RHOBTB1: variants seen among roughly 807,000 people sequenced by gnomAD.
RHOBTB1 encodes Rho related BTB domain containing 1.
RHOBTB1 carries 40 observed loss-of-function variants against 71.6 expected under a neutral mutation model. That is an observed-to-expected ratio of 0.56 (90% confidence interval 0.43 to 0.73). The LOEUF is 0.73. RHOBTB1 is among the 30% of genes least tolerant of loss of function. The pLI is 0.00. For missense variants in RHOBTB1, 797 were observed against 894.0 expected (o/e 0.89, Z 1.38); for synonymous variants, 319 against 334.9 (o/e 0.95, Z 0.52).
chr10:60,974,357 T>C (rs1196157082), intron 2 of RHOBTB1, among the ~76,000 whole-genome samples: 1 of 152,060 alleles, frequency 6.6e-6, no homozygotes, highest in Non-Finnish European at 1.5e-5. Context: ...AAGACAACTA[T>C]CAAACTGCTT....
At chr10:60,901,018 G>T (rs910741911) in intron 4 of RHOBTB1, among the ~76,000 whole-genome samples, 4 of 152,164 alleles carry the variant, frequency 2.6e-5, no homozygotes, top group African/African-American at 9.7e-5. Context: ...AAATGGACAG[G>T]TTACTTTCAG....
chr10:60,988,305 A>C (rs1280554436), intron 1 of RHOBTB1, among the ~76,000 whole-genome samples: 1 of 152,194 alleles, frequency 6.6e-6, no homozygotes. Context: ...TTTTTAAAAA[A>C]TATAATTTCT....
intron 7 of RHOBTB1, among the ~76,000 whole-genome samples, chr10:60,884,946 TCTCA>T (rs1313545679): frequency 6.6e-6 from 1 of 151,984 alleles, no homozygotes; most frequent in Non-Finnish European, 1.5e-5. Context: ...AGAGACAGGT[TCTCA>T]CTCTGTCTCC....
rs115019961 is a variant in RHOBTB1, at chr10:60,901,102, A to G, written c.297-8107T>C. Among the ~76,000 whole-genome samples, 640 of 152,336 alleles carry G rather than the reference A, an allele frequency of 4.2e-3. 4 individuals are homozygous for G. Among genetic ancestry groups the G allele is most frequent in the African/African-American group, 0.015 (624 of 41,570 alleles). On this transcript the variant is annotated intron_variant, in intron 4 of 10. Coordinates refer to ENST00000337910, the MANE Select transcript of RHOBTB1 (RefSeq NM_014836.5). The stretch of plus-strand genomic sequence containing the variant: ...CTATTGCACAGACCATCTTGCTTTT[A>G]AAAAACACACAAAACAAACAAGCAA...
chr10:60,997,214 A>T (rs926280476), intron 1 of RHOBTB1, among the ~76,000 whole-genome samples: 1 of 152,120 alleles, frequency 6.6e-6, no homozygotes, highest in Non-Finnish European at 1.5e-5. Flanking sequence ...TATCTTTTTT[A>T]AAAATATCCT....
At chr10:60,915,527 G>A (rs1471817053) in intron 2 of RHOBTB1, among the ~76,000 whole-genome samples, 1 of 152,084 alleles carries the variant, frequency 6.6e-6, no homozygotes, top group Non-Finnish European at 1.5e-5. Context: ...AAACTGACTT[G>A]AACGTTATTT....
chr10:60,946,633 C>T (rs575314984), upstream of RHOBTB1, among the ~76,000 whole-genome samples: 2 of 152,312 alleles, frequency 1.3e-5, no homozygotes, highest in East Asian at 1.9e-4. Context: ...TGCTTTTTAA[C>T]AGCCTGCTTT....
intron 10 of RHOBTB1, 133 bp downstream of exon 10, chr10:60,872,052 T>G (rs2080815387): frequency 2.7e-6 from 2 of 735,974 alleles, no homozygotes; most frequent in Admixed American, 4.2e-5. Context: ...CATTAATATG[T>G]GACCACCAGC....
intron 1 of RHOBTB1, among the ~76,000 whole-genome samples, chr10:60,991,371 C>T (rs561873792): frequency 1.3e-4 from 19 of 151,948 alleles, no homozygotes; most frequent in Admixed American, 3.3e-4. Context: ...TGATGACATC[C>T]CCAGACTTAA....
At chr10:60,975,539 C>T (rs189926307) in intron 2 of RHOBTB1, among the ~76,000 whole-genome samples, 24 of 152,176 alleles carry the variant, frequency 1.6e-4, no homozygotes, top group Non-Finnish European at 3.1e-4. Flanking sequence ...TATTCGCTTG[C>T]ATGGAAATAC....
At chr10:60,874,505 T>G (rs2080949009) in intron 9 of RHOBTB1, among the ~76,000 whole-genome samples, 1 of 152,210 alleles carries the variant, frequency 6.6e-6, no homozygotes, top group African/African-American at 2.4e-5. Flanking sequence ...TGTATTGGGA[T>G]TATGTTATTA....
At chr10:60,976,471 CTG>C (rs2086319455) in intron 2 of RHOBTB1, among the ~76,000 whole-genome samples, 1 of 152,084 alleles carries the variant, frequency 6.6e-6, no homozygotes, top group South Asian at 2.1e-4. Flanking sequence ...AGTTAAGAAA[CTG>C]TATACTGAAG....
At chr10:60,910,733 C>G in intron 4 of RHOBTB1, 154 bp downstream of exon 4, 1 of 566,784 alleles carries the variant, frequency 1.8e-6, no homozygotes, top group Non-Finnish European at 3.1e-6. Context: ...GAAACAATAC[C>G]ATTTTTTTTT....
chr10:60,887,798 T>G (rs535699404), intron 6 of RHOBTB1, among the ~76,000 whole-genome samples: 1 of 152,172 alleles, frequency 6.6e-6, no homozygotes, highest in Non-Finnish European at 1.5e-5. Context: ...GGTCAGAGAA[T>G]AGATTCTGAA....
intron 2 of RHOBTB1, among the ~76,000 whole-genome samples, chr10:60,974,906 CTG>C (rs757057732): frequency 4.6e-5 from 7 of 151,970 alleles, no homozygotes; most frequent in Non-Finnish European, 7.4e-5. Context: ...ATGGGGATGA[CTG>C]TATTTTTTAT....
At chr10:60,979,410 GC>G (rs2086421873) in intron 2 of RHOBTB1, among the ~76,000 whole-genome samples, 2 of 152,224 alleles carry the variant, frequency 1.3e-5, no homozygotes, top group African/African-American at 4.8e-5. Context: ...TGAAACCATG[GC>G]CTCCATCTCG....
chr10:60,899,974 A>G (rs2082335939), intron 4 of RHOBTB1, among the ~76,000 whole-genome samples: 1 of 152,122 alleles, frequency 6.6e-6, no homozygotes, highest in Non-Finnish European at 1.5e-5. Context: ...GGGAATCAGT[A>G]TGCCAGTATC....
At chr10:60,924,651 A>T (rs1018473041) in intron 2 of RHOBTB1, among the ~76,000 whole-genome samples, 4 of 152,224 alleles carry the variant, frequency 2.6e-5, no homozygotes, top group African/African-American at 9.6e-5. Flanking sequence ...AATGGACCTA[A>T]CAGACATTTA....
chr10:60,916,399 T>C (rs867532965), intron 2 of RHOBTB1, among the ~76,000 whole-genome samples: 1 of 152,208 alleles, frequency 6.6e-6, no homozygotes, highest in African/African-American at 2.4e-5. Context: ...AGTTTATGAA[T>C]GAGCCCAGGT....
Sources: gnomAD v4.1 joint callset for allele counts (sites outside exome capture counted in the v4.1 genomes callset) on GRCh38, gnomAD v4.1.1 for gene constraint, MANE v1.5 for transcripts, NCBI Gene and HGNC (gene_info 2026-07-23, HGNC 2026-07-21) for gene names.